The following FANCA variants were observed in gnomAD, a reference collection of about 807,000 sequenced individuals.
The protein encoded by FANCA is FA complementation group A.
A neutral mutation model predicts 194.3 loss-of-function variants in FANCA; 236 were observed. The observed-to-expected ratio is 1.21, with a 90% confidence interval of 1.09 to 1.35. The LOEUF (loss-of-function observed/expected upper bound fraction) is 1.35, where lower values mean the gene tolerates loss of function less well. FANCA is among the 40% of genes most tolerant of loss of function. The pLI, the probability that FANCA is intolerant of heterozygous loss-of-function variation, is 0.00. For synonymous variants in FANCA, 1,014 were observed against 715.8 expected (o/e 1.42, Z -6.65); for missense variants, 2,628 against 1,813.9 (o/e 1.45, Z -8.15).
chr16:89,777,179 C>G (rs1163309407), intron 20 of FANCA, among the ~76,000 whole-genome samples: 2 of 151,356 alleles, frequency 1.3e-5, no homozygotes, highest in Non-Finnish European at 2.9e-5. Flanking sequence ...GCCTCTAGAC[C>G]CTGCTACTTG....
chr16:89,804,840 T>G (rs375746372), intron 7 of FANCA, among the ~76,000 whole-genome samples: 5 of 152,050 alleles, frequency 3.3e-5, no homozygotes, highest in African/African-American at 1.2e-4. Flanking sequence ...AAGAGCAGCC[T>G]GGCCAACCTA....
intron 37 of FANCA, among the ~76,000 whole-genome samples, chr16:89,741,407 C>A (rs935077528): frequency 6.6e-6 from 1 of 152,254 alleles, no homozygotes; most frequent in African/African-American, 2.4e-5. Flanking sequence ...AAACCCTGGG[C>A]GCTGCTGTCG....
intron 25 of FANCA, 49 bp from the exon 26 acceptor site, chr16:89,770,073 G>T: frequency 1.3e-6 from 2 of 1,596,856 alleles, no homozygotes; most frequent in Non-Finnish European, 1.7e-6. Context: ...TTCCAAGCTG[G>T]AATTTTCCAG....
chr16:89,772,087 C>A (rs967061952), intron 22 of FANCA, among the ~76,000 whole-genome samples: 1 of 152,200 alleles, frequency 6.6e-6, no homozygotes, highest in Non-Finnish European at 1.5e-5. Flanking sequence ...CCAACATGAA[C>A]CTCCCCATCT....
intron 2 of FANCA, among the ~76,000 whole-genome samples, chr16:89,815,256 C>T (rs982932808): frequency 5.3e-5 from 8 of 150,978 alleles, no homozygotes; most frequent in African/African-American, 1.9e-4. Context: ...AGGCTGGTCT[C>T]GAACTCCTAA....
At chr16:89,760,664 C>T (rs899417692) in intron 29 of FANCA, among the ~76,000 whole-genome samples, 2 of 152,180 alleles carry the variant, frequency 1.3e-5, no homozygotes, top group African/African-American at 4.8e-5. Flanking sequence ...CAAATAGTCT[C>T]AAATGGTCTC....
At position 89,765,562 on chromosome 16, in the gene FANCA, G is replaced by C. The variant is rs540097145; in HGVS notation, c.2602-496C>G. Among the ~76,000 whole-genome samples, 30 of 152,374 alleles carry C rather than the reference G, an allele frequency of 2.0e-4. 1 individual carries two copies. In the South Asian group the frequency reaches 6.0e-3, roughly 30 times the overall value. ...AAACTGCCTCCCAGGGGTAGGGCTG[G>C]TTTGGTCCCGGGCAGTGAAACAGCC... is the stretch of plus-strand genomic sequence containing the variant. On this transcript the variant is annotated intron_variant, in intron 27 of 42. Coordinates refer to ENST00000389301, the MANE Select transcript of FANCA (RefSeq NM_000135.4).
rs1174137642 is a variant in FANCA, at chr16:89,738,255, G to A, written c.*346C>T. On this transcript the variant is annotated 3_prime_UTR_variant, in exon 43 of 43. Transcript: ENST00000389301. Reference sequence around the variant, plus strand: ...AGCCCGAACCCACCTGAGGACGGCAGTGAGGATGAGCACCTCTAGCAGCCT... The same window carrying A: ...AGCCCGAACCCACCTGAGGACGGCAATGAGGATGAGCACCTCTAGCAGCCT... 4 of 1,589,912 alleles carry A rather than the reference G, an allele frequency of 2.5e-6. No homozygotes were observed. In the Admixed American group the frequency reaches 5.3e-5, roughly 21 times the overall value.
At chr16:89,806,844 C>T (rs921926630) in intron 6 of FANCA, among the ~76,000 whole-genome samples, 2 of 152,146 alleles carry the variant, frequency 1.3e-5, no homozygotes, top group African/African-American at 2.4e-5. Context: ...CATCATGGCC[C>T]GTTCTCAATG....
intron 38 of FANCA, 29 bp from the exon 39 acceptor site, chr16:89,740,128 A>G: frequency 6.3e-7 from 1 of 1,586,088 alleles, no homozygotes; most frequent in Non-Finnish European, 8.7e-7. Flanking sequence ...CAACCCTGAG[A>G]ATGGCCGACC....
intron 10 of FANCA, chr16:89,798,705 A>C: frequency 7.6e-7 from 1 of 1,309,420 alleles, no homozygotes; most frequent in Non-Finnish European, 9.8e-7. Flanking sequence ...TAATAGGGCC[A>C]AGCTTTGCCT....
chr16:89,742,826 T>G lies in FANCA; in HGVS notation c.3739A>C (p.Lys1247Gln), dbSNP rs1017603335. 1 of 1,614,186 alleles carries G rather than the reference T, an allele frequency of 6.2e-7. No individual in the cohort carries two copies. ...VREENIRKQL[K>Q]KLDCEREELL... ...TCCTCTCTCTCGCAGTCCAGCTTCT[T>G]TAGCTGCTTCCTGATGTTTTCTTCC... The change falls in exon 37 of 43, where the codon AAG (lysine) becomes CAG (glutamine). Residue 1247 changes from lysine (K) to glutamine (Q), a missense_variant. Lys to Gln is a moderately conservative substitution (Grantham distance 53, BLOSUM62 1). Coordinates refer to ENST00000389301, the MANE Select transcript of FANCA (RefSeq NM_000135.4).
intron 26 of FANCA, among the ~76,000 whole-genome samples, chr16:89,768,904 T>C (rs2039221090): frequency 7.8e-6 from 1 of 128,550 alleles, no homozygotes; most frequent in Non-Finnish European, 1.6e-5. Context: ...GTGCCTCTCA[T>C]GCCAACACCC....
intron 21 of FANCA, 66 bp from the exon 22 acceptor site, chr16:89,773,450 A>G (rs1037269531): frequency 1.8e-6 from 2 of 1,120,344 alleles, no homozygotes; most frequent in Non-Finnish European, 2.6e-6. Flanking sequence ...CAAAAATAGA[A>G]ACTTCACACA....
At chr16:89,798,821 T>C in intron 10 of FANCA, 1 of 1,468,186 alleles carries the variant, frequency 6.8e-7, no homozygotes, top group South Asian at 1.4e-5. Flanking sequence ...CAGGGCCAGC[T>C]CTAGAGCCTG....
At chr16:89,772,768 G>A (rs899081352) in intron 22 of FANCA, among the ~76,000 whole-genome samples, 9 of 151,620 alleles carry the variant, frequency 5.9e-5, no homozygotes, top group South Asian at 4.2e-4. Flanking sequence ...GCAGTGAGCC[G>A]AGATGGCGCC....
intron 20 of FANCA, among the ~76,000 whole-genome samples, chr16:89,777,473 C>G (rs1205171189): frequency 2.6e-5 from 4 of 152,048 alleles, no homozygotes; most frequent in East Asian, 1.9e-4. Context: ...CGCTTGTAAT[C>G]CCAGCACTTT....
At chr16:89,745,273 G>A (rs2038342881) in intron 35 of FANCA, among the ~76,000 whole-genome samples, 1 of 152,222 alleles carries the variant, frequency 6.6e-6, no homozygotes, top group Admixed American at 6.5e-5. Context: ...CCACACTCAT[G>A]GAAGACGTGG....
In FANCA at chr16:89,738,381, C is replaced by A. The variant is rs1396088592; in HGVS notation, c.*220G>T. On this transcript the variant is annotated 3_prime_UTR_variant, in exon 43 of 43. Coordinates refer to ENST00000389301, the MANE Select transcript of FANCA (RefSeq NM_000135.4). ...TTGGTGCTGGAGGCGGGCTTGGTGT[C>A]CGGCTCAAGTAGCCTTCCTCTGCTC... 1 of 1,418,658 alleles carries A rather than the reference C, an allele frequency of 7.0e-7. No homozygotes were observed. The highest frequency in any genetic ancestry group is 2.5e-5 in the East Asian group (1 of 40,152). 87.9% of individuals were successfully genotyped at this position (1,418,658 alleles called of 1,614,324 possible). A position where few individuals can be genotyped will look rare whatever the true frequency, so the allele number is the denominator to read the frequency against.
Sources: allele counts gnomAD v4.1 joint callset (sites outside exome capture counted in the v4.1 genomes callset), GRCh38; gene constraint gnomAD v4.1.1; transcripts MANE v1.5; gene names NCBI Gene and HGNC (gene_info 2026-07-23, HGNC 2026-07-21).